The following REV3L variants were observed in gnomAD, a reference collection of about 807,000 sequenced individuals.
The protein encoded by REV3L is REV3 like, DNA directed polymerase zeta catalytic subunit.
A neutral mutation model predicts 299.4 loss-of-function variants in REV3L; 69 were observed. The observed-to-expected ratio is 0.23, with a 90% CI of 0.19 to 0.28. REV3L has a LOEUF of 0.28. Among genes scored for constraint, REV3L ranks in the 10% least tolerant of loss-of-function variants. REV3L has a pLI of 1.00. For missense variants in REV3L, 3,128 were observed against 3,693.8 expected (o/e 0.85, Z 3.97); for synonymous variants, 1,238 against 1,271.4 (o/e 0.97, Z 0.56).
At chr6:111,450,983 A>G (rs1789468528) in intron 1 of REV3L, among the ~76,000 whole-genome samples, 2 of 152,250 alleles carry the variant, frequency 1.3e-5, no homozygotes, top group African/African-American at 4.8e-5. Context: ...AACTTATCCC[A>G]CACAGGTGAT....
At chr6:111,483,531 G>A (rs992743659), upstream of REV3L, 4 of 512,052 alleles carry the variant, frequency 7.8e-6, no homozygotes, top group East Asian at 1.1e-4. Flanking sequence ...GCGGGAGGGG[G>A]GCGCCAGTGT....
At chr6:111,317,243 A>G (rs553377598) in intron 26 of REV3L, among the ~76,000 whole-genome samples, 1 of 152,302 alleles carries the variant, frequency 6.6e-6, no homozygotes. Context: ...AATAATGGAG[A>G]CAGTACTTGC....
At chr6:111,447,727 G>A (rs1231077871) in intron 1 of REV3L, among the ~76,000 whole-genome samples, 1 of 152,118 alleles carries the variant, frequency 6.6e-6, no homozygotes, top group Non-Finnish European at 1.5e-5. Context: ...AAAATAGGTG[G>A]CTGGACTGGA....
chr6:111,357,138 C>T lies in REV3L; in HGVS notation c.7073-13G>A. 8.2e-7 allele frequency: 1 copy of T among 1,214,902 alleles called. No homozygotes were observed. The highest frequency in any genetic ancestry group is 1.2e-6 in the Non-Finnish European group (1 of 854,334). The allele number at this position is 1,214,902 out of a possible 1,614,324, so 75.3% of individuals were successfully genotyped here. On this transcript the variant is annotated splice_polypyrimidine_tract_variant and intron_variant, in intron 17 of 31. Coordinates refer to ENST00000368802, the MANE Select transcript of REV3L (RefSeq NM_001372078.1). ...TGATATCTGATATCTAAAAAACAAACAAAATGTCTATTATATATAACATTA... is the reference window on the plus strand; with the variant it reads ...TGATATCTGATATCTAAAAAACAAATAAAATGTCTATTATATATAACATTA...
chr6:111,410,916 C>G (rs1032571229), intron 3 of REV3L, among the ~76,000 whole-genome samples: 1 of 152,174 alleles, frequency 6.6e-6, no homozygotes, highest in African/African-American at 2.4e-5. Context: ...TGTTTTGAAT[C>G]TGAAAGGATG....
intron 1 of REV3L, among the ~76,000 whole-genome samples, chr6:111,418,356 T>C (rs993203689): frequency 2.6e-5 from 4 of 152,214 alleles, no homozygotes; most frequent in Non-Finnish European, 5.9e-5. Context: ...TTGGACTGTA[T>C]TAATAGTTTC....
chr6:111,411,126 C>T (rs971805158), intron 3 of REV3L, among the ~76,000 whole-genome samples: 6 of 152,184 alleles, frequency 3.9e-5, no homozygotes, highest in Non-Finnish European at 7.4e-5. Flanking sequence ...ACTCTGGACT[C>T]ACTCCTACAT....
chr6:111,464,768 TA>T (rs1490388413), intron 1 of REV3L, among the ~76,000 whole-genome samples: 1 of 152,110 alleles, frequency 6.6e-6, no homozygotes, highest in Non-Finnish European at 1.5e-5. Context: ...TTGGGAGGCC[TA>T]GACAGGTGGA....
At chr6:111,483,531 G>C (rs992743659), upstream of REV3L, 1 of 512,052 alleles carries the variant, frequency 2.0e-6, no homozygotes, top group African/African-American at 2.0e-5. Flanking sequence ...GCGGGAGGGG[G>C]GCGCCAGTGT....
At chr6:111,332,009 T>G (rs1775434078) in intron 23 of REV3L, among the ~76,000 whole-genome samples, 1 of 152,176 alleles carries the variant, frequency 6.6e-6, no homozygotes, top group African/African-American at 2.4e-5. Context: ...ATCCTAAAAT[T>G]TATGGGTAAA....
chr6:111,373,595 C>A lies in REV3L; in HGVS notation c.4760G>T (p.Arg1587Ile). Reference protein sequence around the residue: ...VTSPRKPRTPRSTKQKEKIPK... With the variant: ...VTSPRKPRTPISTKQKEKIPK... ...GATTTTTTCTTTTTGTTTTGTACTTCTGGGAGTTCGAGGTTTTCTTGGGGA... is the reference window on the plus strand; with the variant it reads ...GATTTTTTCTTTTTGTTTTGTACTTATGGGAGTTCGAGGTTTTCTTGGGGA... The change falls in exon 13 of 32, where the codon AGA (arginine) becomes ATA (isoleucine). Residue 1587 changes from arginine to isoleucine, a missense_variant. Physicochemically the swap from Arg to Ile is moderately conservative, Grantham distance 97. This residue lies in a region of REV3L where 2,409 missense variants were observed against 2,611.8 expected (regional missense o/e 0.92). Coordinates refer to ENST00000368802, the MANE Select transcript of REV3L (RefSeq NM_001372078.1). 6.2e-7 allele frequency: 1 copy of A among 1,614,002 alleles called. No individual in the cohort carries two copies. Among genetic ancestry groups the A allele is most frequent in the Non-Finnish European group, 8.5e-7 (1 of 1,179,978 alleles).
At chr6:111,328,147 C>T (rs1464640513) in intron 25 of REV3L, among the ~76,000 whole-genome samples, 1 of 152,092 alleles carries the variant, frequency 6.6e-6, no homozygotes, top group Non-Finnish European at 1.5e-5. Context: ...TTAAGTCATT[C>T]TATGAAAAAT....
chr6:111,303,701 C>CTTTTTTTTTTTTTTTT (rs58366929), intron 31 of REV3L, among the ~76,000 whole-genome samples: 2 of 12,644 alleles, frequency 1.6e-4, no homozygotes, highest in Non-Finnish European at 3.0e-4. Flanking sequence ...CAGACTATGA[C>CTTTTTTTTTTTTTTTT]TTTTTTTTTT....
chr6:111,465,756 A>ACAAACAAACAAAAAAAAAAAC (rs199912630), intron 1 of REV3L, among the ~76,000 whole-genome samples: 7 of 147,108 alleles, frequency 4.8e-5, no homozygotes, highest in South Asian at 2.1e-4. Context: ...AAAAAAAAAA[A>ACAAACAAACAAAAAAAAAAAC]AAAAAAAAAA....
intron 3 of REV3L, among the ~76,000 whole-genome samples, chr6:111,407,751 A>G (rs1365757610): frequency 6.6e-6 from 1 of 152,090 alleles, no homozygotes; most frequent in African/African-American, 2.4e-5. Context: ...CCTGGCCAAC[A>G]TGGAGAAACC....
At chr6:111,303,581 G>A (rs1247089236) in intron 31 of REV3L, among the ~76,000 whole-genome samples, 1 of 149,096 alleles carries the variant, frequency 6.7e-6, no homozygotes, top group Non-Finnish European at 1.5e-5. Flanking sequence ...TGGCCAGGCT[G>A]GTCTCAAACT....
At chr6:111,443,929 T>C (rs1463949846) in intron 1 of REV3L, among the ~76,000 whole-genome samples, 1 of 152,238 alleles carries the variant, frequency 6.6e-6, no homozygotes, top group Non-Finnish European at 1.5e-5. Flanking sequence ...AAAAAGGAGT[T>C]AATTCTATTT....
At chr6:111,454,755 C>G (rs1789974802) in intron 1 of REV3L, among the ~76,000 whole-genome samples, 1 of 152,208 alleles carries the variant, frequency 6.6e-6, no homozygotes, top group South Asian at 2.1e-4. Flanking sequence ...CAACCTCCAT[C>G]TCCCAGGTTC....
chr6:111,390,378 T>C (rs1014220191), intron 5 of REV3L, among the ~76,000 whole-genome samples, 198 bp from the exon 6 acceptor site: 15 of 152,140 alleles, frequency 9.9e-5, no homozygotes, highest in Non-Finnish European at 2.1e-4. Context: ...AAACATATTA[T>C]ACTGACTACC....
Sources: allele counts gnomAD v4.1 joint callset (sites outside exome capture counted in the v4.1 genomes callset), GRCh38; gene constraint gnomAD v4.1.1; regional missense constraint gnomAD v4.1.1; transcripts MANE v1.5; gene names NCBI Gene and HGNC (gene_info 2026-07-23, HGNC 2026-07-21).